SYNDIG1L: variants seen among roughly 807,000 people sequenced by gnomAD.
SYNDIG1L encodes the protein synapse differentiation inducing 1 like.
A neutral mutation model predicts 20.1 loss-of-function variants in SYNDIG1L; 13 were observed. That is an observed-to-expected ratio of 0.65 (90% CI 0.42 to 1.03). SYNDIG1L has a LOEUF of 1.03. Ranked by LOEUF, SYNDIG1L falls within the 50% of genes least tolerant of loss-of-function variation. SYNDIG1L has a pLI of 0.00. For missense variants in SYNDIG1L, 294 were observed against 305.1 expected, an observed-to-expected ratio of 0.96 and a Z score of 0.27; for synonymous variants, 128 against 129.3, an observed-to-expected ratio of 0.99 and a Z score of 0.07.
rs573811798 is a variant in SYNDIG1L, at chr14:74,417,283, T to A, written c.-57-7482A>T. Among the ~76,000 whole-genome samples, 180 of 152,354 alleles carry A rather than the reference T, an allele frequency of 1.2e-3. 1 individual carries two copies. The highest frequency in any genetic ancestry group is 5.9e-4 in the Non-Finnish European group (40 of 68,034). On this transcript the variant is annotated intron_variant, in intron 1 of 3. Coordinates refer to ENST00000331628, the MANE Select transcript of SYNDIG1L (RefSeq NM_001105579.2). ...GGCAAAGGTGATAAAACAGCTGGCCTGAACAGGACCATGTTCTCCAGGATT... is the reference window on the plus strand; with the variant it reads ...GGCAAAGGTGATAAAACAGCTGGCCAGAACAGGACCATGTTCTCCAGGATT...
chr14:74,459,003 G>A, the SYNDIG1L span, among the ~76,000 whole-genome samples: 2 of 152,234 alleles, frequency 1.3e-5, no homozygotes, highest in East Asian at 1.9e-4. Flanking sequence ...GGCAGGACCC[G>A]CACAGCATCT....
chr14:74,437,838 AG>A, the SYNDIG1L span, among the ~76,000 whole-genome samples: 1 of 152,196 alleles, frequency 6.6e-6, no homozygotes, highest in East Asian at 1.9e-4. Flanking sequence ...GCAGCCGCTC[AG>A]GGGCTGTTTT....
intron 1 of SYNDIG1L, among the ~76,000 whole-genome samples, chr14:74,423,595 G>A (rs960819004): frequency 7.2e-5 from 11 of 152,156 alleles, no homozygotes; most frequent in African/African-American, 2.2e-4. Context: ...CAGCTCTACC[G>A]AAATGCCAAT....
At chr14:74,465,722 TC>T in the SYNDIG1L span, among the ~76,000 whole-genome samples, 1 of 152,072 alleles carries the variant, frequency 6.6e-6, no homozygotes, top group African/African-American at 2.4e-5. Context: ...GGGCCTGACC[TC>T]CCCAACCCTG....
At chr14:74,442,982 G>A in the SYNDIG1L span, among the ~76,000 whole-genome samples, 23 of 152,190 alleles carry the variant, frequency 1.5e-4, no homozygotes, top group African/African-American at 5.1e-4. Context: ...GGCTTATGGT[G>A]CCTCTGAAAC....
upstream of SYNDIG1L, among the ~76,000 whole-genome samples, chr14:74,426,436 C>T (rs562048551): frequency 5.3e-5 from 8 of 152,230 alleles, no homozygotes; most frequent in African/African-American, 1.9e-4. Flanking sequence ...GAGCCGAGCC[C>T]TCTTTCCCAG....
At chr14:74,422,856 C>T (rs1211401490) in intron 1 of SYNDIG1L, among the ~76,000 whole-genome samples, 1 of 151,882 alleles carries the variant, frequency 6.6e-6, no homozygotes. Flanking sequence ...AAGTTACATG[C>T]CTGGCTACTT....
At chr14:74,447,202 C>CA in the SYNDIG1L span, among the ~76,000 whole-genome samples, 1 of 152,200 alleles carries the variant, frequency 6.6e-6, no homozygotes, top group East Asian at 1.9e-4. Flanking sequence ...AAAAAATAAG[C>CA]AAAATCATAG....
chr14:74,418,898 C>T (rs909446790), intron 1 of SYNDIG1L, among the ~76,000 whole-genome samples: 1 of 152,202 alleles, frequency 6.6e-6, no homozygotes, highest in African/African-American at 2.4e-5. Context: ...TAATGCCATA[C>T]AGAGTGGAAT....
chr14:74,466,878 G>T, the SYNDIG1L span, among the ~76,000 whole-genome samples: 1 of 152,202 alleles, frequency 6.6e-6, no homozygotes, highest in Admixed American at 6.5e-5. Flanking sequence ...GCTGTGGATG[G>T]CTCCAGGGGC....
chr14:74,441,159 G>T, the SYNDIG1L span, among the ~76,000 whole-genome samples: 3 of 152,338 alleles, frequency 2.0e-5, no homozygotes, highest in East Asian at 5.8e-4. Flanking sequence ...AAATTTGCTT[G>T]TCGGATAGCC....
the SYNDIG1L span, among the ~76,000 whole-genome samples, chr14:74,463,832 G>T: frequency 6.6e-6 from 1 of 152,206 alleles, no homozygotes; most frequent in Admixed American, 6.5e-5. Context: ...TTAAATGCCA[G>T]AAATTAGCTA....
the SYNDIG1L span, among the ~76,000 whole-genome samples, chr14:74,436,624 G>A: frequency 5.9e-5 from 9 of 151,704 alleles, no homozygotes; most frequent in East Asian, 9.9e-4. Flanking sequence ...CGAGGCGGGC[G>A]GATCTTCTGA....
chr14:74,480,055 T>A, the SYNDIG1L span: 1 of 1,510,460 alleles, frequency 6.6e-7, no homozygotes, highest in South Asian at 1.2e-5. Context: ...AACCAAGTGC[T>A]GCATTTAATG....
At chr14:74,473,310 G>A in the SYNDIG1L span, among the ~76,000 whole-genome samples, 1 of 152,068 alleles carries the variant, frequency 6.6e-6, no homozygotes, top group Non-Finnish European at 1.5e-5. Context: ...ACTTGAACTC[G>A]GAAGGCGGAG....
At chr14:74,434,464 G>A in the SYNDIG1L span, among the ~76,000 whole-genome samples, 1 of 151,932 alleles carries the variant, frequency 6.6e-6, no homozygotes, top group Non-Finnish European at 1.5e-5. Flanking sequence ...ACAGAAAAAA[G>A]GAAGGCAAAT....
chr14:74,407,230 G>A lies in SYNDIG1L; in HGVS notation c.*305C>T. ...GGCTGTAGGGCAGGAGATCCTCTAG[G>A]GAATGGGCAGAATGGATGGAGCTAG... On this transcript the variant is annotated 3_prime_UTR_variant, in exon 4 of 4. Transcript: ENST00000331628. 1 of 441,600 alleles carries A rather than the reference G, an allele frequency of 2.3e-6. No individual in the cohort carries two copies. Among genetic ancestry groups the A allele is most frequent in the Non-Finnish European group, 4.1e-6 (1 of 244,628 alleles). 27.4% of individuals were successfully genotyped at this position (441,600 alleles called of 1,614,324 possible).
intron 1 of SYNDIG1L, among the ~76,000 whole-genome samples, chr14:74,410,264 G>A (rs932430086): frequency 2.0e-5 from 3 of 152,200 alleles, no homozygotes; most frequent in Non-Finnish European, 2.9e-5. Flanking sequence ...CAGAGACCCA[G>A]GGAAGGCCTT....
chr14:74,452,883 T>C, the SYNDIG1L span, among the ~76,000 whole-genome samples: 31 of 152,254 alleles, frequency 2.0e-4, no homozygotes, highest in African/African-American at 7.2e-4. Flanking sequence ...ATCCATAGAA[T>C]GGAATACTAC....
Sources: gnomAD v4.1 joint callset for allele counts (sites outside exome capture counted in the v4.1 genomes callset) on GRCh38, gnomAD v4.1.1 for gene constraint, MANE v1.5 for transcripts, NCBI Gene and HGNC (gene_info 2026-07-23, HGNC 2026-07-21) for gene names.